CACNB2: variants seen among roughly 807,000 people sequenced by gnomAD.
The protein encoded by CACNB2 is voltage-dependent L-type calcium channel subunit beta-2.
CACNB2 carries 42 observed loss-of-function variants against 73.3 expected under a neutral mutation model. That is an observed-to-expected ratio of 0.57 (90% CI 0.45 to 0.74). The LOEUF is 0.74. Ranked by LOEUF, CACNB2 falls within the 30% of genes least tolerant of loss-of-function variation. CACNB2 has a pLI of 0.00. For synonymous variants in CACNB2, 348 were observed against 310.3 expected, an observed-to-expected ratio of 1.12 and a Z score of -1.28; for missense variants, 940 against 853.0, an observed-to-expected ratio of 1.10 and a Z score of -1.27.
intron 2 of CACNB2, among the ~76,000 whole-genome samples, chr10:18,331,577 C>G (rs939057570): frequency 6.6e-6 from 1 of 151,766 alleles, no homozygotes; most frequent in Non-Finnish European, 1.5e-5. Context: ...GCTTGAGATT[C>G]TTGCATAAAG....
chr10:18,468,242 T>C (rs1044141368), intron 3 of CACNB2, among the ~76,000 whole-genome samples: 3 of 152,102 alleles, frequency 2.0e-5, no homozygotes, highest in Non-Finnish European at 2.9e-5. Flanking sequence ...GGCCGATTTC[T>C]TGAGCTCGAG....
chr10:18,368,368 A>T (rs2042440956), intron 2 of CACNB2, among the ~76,000 whole-genome samples: 1 of 152,174 alleles, frequency 6.6e-6, no homozygotes, highest in African/African-American at 2.4e-5. Flanking sequence ...GTTCCCAGGA[A>T]CTGAAAGTGA....
At chr10:18,319,155 T>G (rs1341600068) in intron 2 of CACNB2, among the ~76,000 whole-genome samples, 1 of 152,180 alleles carries the variant, frequency 6.6e-6, no homozygotes, top group Non-Finnish European at 1.5e-5. Context: ...CACGTACATT[T>G]ATTGTGGCAC....
At chr10:18,249,876 A>T (rs1322509584) in intron 2 of CACNB2, among the ~76,000 whole-genome samples, 1 of 152,128 alleles carries the variant, frequency 6.6e-6, no homozygotes, top group Non-Finnish European at 1.5e-5. Context: ...TCCCTGCAAA[A>T]GTATTTTTTG....
intron 2 of CACNB2, among the ~76,000 whole-genome samples, chr10:18,189,957 G>A (rs2034322345): frequency 6.6e-6 from 1 of 152,174 alleles, no homozygotes; most frequent in African/African-American, 2.4e-5. Flanking sequence ...TTTTTAGACA[G>A]TTGAGTTCAT....
At chr10:18,242,859 C>G (rs1277998880) in intron 2 of CACNB2, among the ~76,000 whole-genome samples, 1 of 148,978 alleles carries the variant, frequency 6.7e-6, no homozygotes, top group Non-Finnish European at 1.5e-5. Flanking sequence ...AACAAAAAAA[C>G]ATTAGCCGGG....
chr10:18,212,680 G>T (rs566513779), intron 2 of CACNB2, among the ~76,000 whole-genome samples: 1 of 152,020 alleles, frequency 6.6e-6, no homozygotes, highest in African/African-American at 2.4e-5. Flanking sequence ...TTATTCCAGG[G>T]TCGTTTATAA....
chr10:18,242,563 T>C (rs951554244), intron 2 of CACNB2, among the ~76,000 whole-genome samples: 1 of 152,152 alleles, frequency 6.6e-6, no homozygotes, highest in Admixed American at 6.5e-5. Context: ...AGCAAATATA[T>C]AAATGAAGAA....
intron 3 of CACNB2, among the ~76,000 whole-genome samples, chr10:18,461,251 A>G (rs945909182): frequency 2.0e-5 from 3 of 152,072 alleles, no homozygotes; most frequent in Non-Finnish European, 4.4e-5. Flanking sequence ...CCCTTCTTCA[A>G]TTACACACAA....
At position 18,140,960 on chromosome 10, in the gene CACNB2, C is replaced by G. The variant is rs906552847; in HGVS notation, c.120+104C>G. On this transcript the variant is annotated intron_variant, in intron 1 of 13. Transcript: ENST00000324631. ...CACTGCAGGGATCTCTAGCCTCGCA[C>G]CTCCTCCCCTCGTCGCCTGCCCACC... 34 of 1,520,270 alleles carry G rather than the reference C, an allele frequency of 2.2e-5. No individual in the cohort carries two copies. In the Admixed American group the frequency reaches 7.0e-4, roughly 31 times the overall value. The allele number at this position is 1,520,270 out of a possible 1,614,324, so 94.2% of individuals were successfully genotyped here.
chr10:18,220,195 G>A (rs1159340863), intron 2 of CACNB2, among the ~76,000 whole-genome samples: 5 of 13,890 alleles, frequency 3.6e-4, no homozygotes, highest in African/African-American at 1.6e-3. Flanking sequence ...ACATATATAT[G>A]TGTGTGTATA....
intron 2 of CACNB2, among the ~76,000 whole-genome samples, chr10:18,181,532 T>C (rs1437842954): frequency 2.6e-5 from 4 of 151,006 alleles, no homozygotes; most frequent in Non-Finnish European, 5.9e-5. Flanking sequence ...AAATGGCCGG[T>C]AGTCAGAGTT....
intron 2 of CACNB2, among the ~76,000 whole-genome samples, chr10:18,375,936 G>A (rs1194606668): frequency 1.3e-5 from 2 of 152,108 alleles, no homozygotes; most frequent in African/African-American, 4.8e-5. Flanking sequence ...ACAGATGGAG[G>A]TTGCTCAAAA....
At chr10:18,268,263 A>G (rs1399198311) in intron 2 of CACNB2, among the ~76,000 whole-genome samples, 1 of 152,240 alleles carries the variant, frequency 6.6e-6, no homozygotes, top group South Asian at 2.1e-4. Flanking sequence ...CTATTCTGAA[A>G]GTTAGAAATG....
At chr10:18,159,820 T>G (rs989793352) in intron 2 of CACNB2, among the ~76,000 whole-genome samples, 10 of 152,352 alleles carry the variant, frequency 6.6e-5, no homozygotes, top group African/African-American at 1.9e-4. Context: ...GCCTGTTGCC[T>G]TGTTATGCTG....
chr10:18,185,146 G>GT (rs1252232930), intron 2 of CACNB2, among the ~76,000 whole-genome samples: 3 of 151,984 alleles, frequency 2.0e-5, no homozygotes, highest in Non-Finnish European at 4.4e-5. Flanking sequence ...ACTTGACTTT[G>GT]TTTTTGGTGA....
intron 1 of CACNB2, among the ~76,000 whole-genome samples, chr10:18,148,357 A>G (rs1377304758): frequency 6.6e-6 from 1 of 152,216 alleles, no homozygotes; most frequent in African/African-American, 2.4e-5. Flanking sequence ...TTTGGTGTAT[A>G]AACTATCTTA....
chr10:18,205,312 C>T (rs1050785178), intron 2 of CACNB2, among the ~76,000 whole-genome samples: 1 of 152,134 alleles, frequency 6.6e-6, no homozygotes, highest in African/African-American at 2.4e-5. Flanking sequence ...ATACCTAACT[C>T]ATATAGTTAT....
chr10:18,462,681 T>C (rs894960000), intron 3 of CACNB2, among the ~76,000 whole-genome samples: 1 of 152,238 alleles, frequency 6.6e-6, no homozygotes, highest in Non-Finnish European at 1.5e-5. Context: ...AGCATCTCTT[T>C]TTACTGTTAA....
Sources: gnomAD v4.1 joint callset for allele counts (sites outside exome capture counted in the v4.1 genomes callset) on GRCh38, gnomAD v4.1.1 for gene constraint, MANE v1.5 for transcripts, NCBI Gene and HGNC (gene_info 2026-07-23, HGNC 2026-07-21) for gene names.